VKORC1L1: variants seen among roughly 807,000 people sequenced by gnomAD.
VKORC1L1 encodes the protein vitamin K epoxide reductase complex subunit 1-like protein 1.
VKORC1L1 carries 2 observed loss-of-function variants against 18.9 expected under a neutral mutation model. The observed-to-expected ratio is 0.11, with a 90% CI of 0.04 to 0.33. VKORC1L1 has a LOEUF of 0.33. Among genes scored for constraint, VKORC1L1 ranks in the 10% least tolerant of loss-of-function variants. The pLI is 1.00. For missense variants in VKORC1L1, 123 were observed against 224.1 expected (o/e 0.55, Z 2.88); for synonymous variants, 96 against 100.0 (o/e 0.96, Z 0.24).
At position 65,954,056 on chromosome 7, in the gene VKORC1L1, G is replaced by A; in HGVS notation, c.305-18G>A. 1 of 1,578,730 alleles carries A rather than the reference G, an allele frequency of 6.3e-7. No homozygotes were observed. Among genetic ancestry groups the A allele is most frequent in the Non-Finnish European group, 8.6e-7 (1 of 1,156,824 alleles). ...CCAGCACCAAGGCCTGACTGAGCCT[G>A]CGTCTCTTCTCTTACAGGCATGACA... On this transcript the variant is annotated intron_variant, in intron 2 of 2. Transcript: ENST00000360768.
chr7:65,903,980 A>G lies in VKORC1L1; in HGVS notation c.194+30415A>G, dbSNP rs147888341. The stretch of plus-strand genomic sequence containing the variant: ...TCTCTTTAAAAGATGACTGCATTGA[A>G]GGTGATTGCTAACAGGTACAGGATT... On this transcript the variant is annotated intron_variant, in intron 1 of 2. Transcript: ENST00000360768. Among the ~76,000 whole-genome samples the G allele has an allele frequency of 2.0e-4, 30 of 152,272 alleles. 1 individual carries two copies. The East Asian group carries it at 4.4e-3, about 23-fold the overall frequency.
intron 1 of VKORC1L1, among the ~76,000 whole-genome samples, chr7:65,884,321 G>A (rs906686372): frequency 6.6e-6 from 1 of 152,062 alleles, no homozygotes; most frequent in Non-Finnish European, 1.5e-5. Flanking sequence ...TTTAGATCTT[G>A]CTGTATGTTT....
chr7:65,906,822 G>A (rs1789413735), intron 1 of VKORC1L1, among the ~76,000 whole-genome samples: 1 of 152,178 alleles, frequency 6.6e-6, no homozygotes, highest in Non-Finnish European at 1.5e-5. Flanking sequence ...GCAGAATGAA[G>A]GACATTTGAG....
intron 1 of VKORC1L1, among the ~76,000 whole-genome samples, chr7:65,945,338 G>C (rs1004391551): frequency 6.6e-6 from 1 of 152,020 alleles, no homozygotes; most frequent in East Asian, 1.9e-4. Flanking sequence ...AGGGCCGGGC[G>C]CAGTGGCTCA....
chr7:65,896,063 CTTT>C (rs757411300), intron 1 of VKORC1L1, among the ~76,000 whole-genome samples: 1 of 136,194 alleles, frequency 7.3e-6, no homozygotes, highest in Admixed American at 7.4e-5. Context: ...ACTCGGCCAA[CTTT>C]TTTTTTTTTT....
intron 1 of VKORC1L1, among the ~76,000 whole-genome samples, chr7:65,943,408 T>A (rs1790068017): frequency 6.6e-6 from 1 of 152,172 alleles, no homozygotes. Flanking sequence ...CTGATTTTTT[T>A]AAACTATATA....
At chr7:65,906,006 C>T (rs1218007011) in intron 1 of VKORC1L1, among the ~76,000 whole-genome samples, 2 of 151,954 alleles carry the variant, frequency 1.3e-5, no homozygotes, top group African/African-American at 2.4e-5. Flanking sequence ...CTTCATCAAC[C>T]TAGTTTTCTT....
At chr7:65,886,492 A>G (rs1485635848) in intron 1 of VKORC1L1, among the ~76,000 whole-genome samples, 1 of 152,134 alleles carries the variant, frequency 6.6e-6, no homozygotes, top group African/African-American at 2.4e-5. Flanking sequence ...ATTGCAGCAT[A>G]TAAAGAAGAA....
At chr7:65,950,817 G>A (rs1184314477) in intron 2 of VKORC1L1, among the ~76,000 whole-genome samples, 1 of 152,226 alleles carries the variant, frequency 6.6e-6, no homozygotes, top group Non-Finnish European at 1.5e-5. Flanking sequence ...TTGTATACAT[G>A]CATGTAAATG....
chr7:65,870,949 A>G (rs1788718412), upstream of VKORC1L1, among the ~76,000 whole-genome samples: 1 of 151,810 alleles, frequency 6.6e-6, no homozygotes, highest in Non-Finnish European at 1.5e-5. Flanking sequence ...ACACCTTGCT[A>G]ATTTTGTATA....
At chr7:65,901,631 G>A (rs1162880992) in intron 1 of VKORC1L1, among the ~76,000 whole-genome samples, 2 of 152,138 alleles carry the variant, frequency 1.3e-5, no homozygotes, top group Non-Finnish European at 2.9e-5. Flanking sequence ...AAGTCAAACA[G>A]AGCATGGTGT....
chr7:65,944,943 G>T (rs1583865409), intron 1 of VKORC1L1, among the ~76,000 whole-genome samples: 1 of 151,802 alleles, frequency 6.6e-6, no homozygotes, highest in South Asian at 2.1e-4. Context: ...CAACATTCTG[G>T]CTTACCATAT....
intron 1 of VKORC1L1, among the ~76,000 whole-genome samples, chr7:65,874,170 A>C (rs548311665): frequency 1.3e-5 from 2 of 152,216 alleles, no homozygotes; most frequent in South Asian, 4.1e-4. Context: ...ATTTGCTGGC[A>C]AACACGAATT....
At chr7:65,953,736 C>T (rs201980845) in intron 2 of VKORC1L1, among the ~76,000 whole-genome samples, 21 of 152,070 alleles carry the variant, frequency 1.4e-4, no homozygotes, top group East Asian at 5.8e-4. Flanking sequence ...CGTGGTGGCA[C>T]GTGCCTGTAA....
At chr7:65,926,751 A>G (rs1386256213) in intron 1 of VKORC1L1, among the ~76,000 whole-genome samples, 2 of 152,220 alleles carry the variant, frequency 1.3e-5, no homozygotes, top group African/African-American at 4.8e-5. Flanking sequence ...GTATATATAC[A>G]TCAGGGAATA....
rs544240177 is a variant in VKORC1L1 at position 65,913,659 on chromosome 7, G to A, written c.195-35012G>A. On this transcript the variant is annotated intron_variant, in intron 1 of 2. Coordinates refer to ENST00000360768, the MANE Select transcript of VKORC1L1 (RefSeq NM_173517.6). The stretch of plus-strand genomic sequence containing the variant: ...GAGAATTGCTTAAACCTGGGAGGTT[G>A]GAGGTTGTGGTGAGCCGAGATCGGG... 6.5e-4 allele frequency among the ~76,000 whole-genome samples: 96 copies of A among 147,084 alleles called. 2 individuals carry two copies. The highest frequency in any genetic ancestry group is 7.1e-3 in the Middle Eastern group (2 of 282).
Position 65,956,079 on chromosome 7 carries a change from GAATGTGAATCTTTC to G in VKORC1L1, c.*1784_*1797del, listed in dbSNP as rs1362920394. On this transcript the variant is annotated 3_prime_UTR_variant, in exon 3 of 3. Coordinates refer to ENST00000360768, the MANE Select transcript of VKORC1L1 (RefSeq NM_173517.6). ...TTCATCAAGACTTGTGTTTTCCCATGAATGTGAATCTTTCAATGGCTGTTGGAGTATGTATGTAC... is the reference window on the plus strand; with the variant it reads ...TTCATCAAGACTTGTGTTTTCCCATGAATGGCTGTTGGAGTATGTATGTAC... 1 of 152,220 alleles carries G rather than the reference GAATGTGAATCTTTC, an allele frequency of 6.6e-6. No individual in the cohort carries two copies. Among genetic ancestry groups the G allele is most frequent in the Non-Finnish European group, 1.5e-5 (1 of 68,042 alleles). The allele number at this position is 152,220 out of a possible 1,614,324, so 9.4% of individuals were successfully genotyped here.
chr7:65,909,690 T>TTGTGTGTGTG (rs56074368), intron 1 of VKORC1L1, among the ~76,000 whole-genome samples: 1,764 of 123,784 alleles, frequency 0.014, 33 homozygotes, highest in African/African-American at 0.025. Flanking sequence ...GTTTTAGCCT[T>TTGTGTGTGTG]TGTGTGTGTG....
chr7:65,895,476 AAAAAATATATAT>A (rs1789183699), intron 1 of VKORC1L1, among the ~76,000 whole-genome samples: 2 of 41,356 alleles, frequency 4.8e-5, no homozygotes, highest in African/African-American at 1.4e-4. Flanking sequence ...AAAAAAAAAA[AAAAAATATATAT>A]ATATATATAT....
Sources: allele counts gnomAD v4.1 joint callset (sites outside exome capture counted in the v4.1 genomes callset), GRCh38; gene constraint gnomAD v4.1.1; transcripts MANE v1.5; gene names NCBI Gene and HGNC (gene_info 2026-07-23, HGNC 2026-07-21).